Variants in UGP2 observed in about 807,000 individuals in gnomAD.
The protein encoded by UGP2 is UDP-glucose pyrophosphorylase 2.
Under a neutral mutation model 49.0 loss-of-function variants are expected in UGP2, and 40 were observed. The observed-to-expected ratio is 0.82, with a 90% CI of 0.63 to 1.06. UGP2 has a LOEUF of 1.06. UGP2 is among the 50% of genes least tolerant of loss of function. The pLI is 0.00. For missense variants in UGP2, 460 were observed against 603.5 expected (o/e 0.76, Z 2.49); for synonymous variants, 225 against 213.0 (o/e 1.06, Z -0.49).
At chr2:63,849,830 T>C (rs1668922896) in intron 1 of UGP2, among the ~76,000 whole-genome samples, 2 of 152,164 alleles carry the variant, frequency 1.3e-5, no homozygotes, top group African/African-American at 4.8e-5. Flanking sequence ...CCCTGTTTCT[T>C]TATCTCCAAA....
intron 3 of UGP2, among the ~76,000 whole-genome samples, chr2:63,875,217 G>T (rs149754240): frequency 1.3e-5 from 2 of 152,194 alleles, no homozygotes; most frequent in Non-Finnish European, 2.9e-5. Context: ...AACACTTTCT[G>T]TACATATGGA....
chr2:63,884,816 G>A (rs1671547455), intron 5 of UGP2, among the ~76,000 whole-genome samples: 1 of 151,860 alleles, frequency 6.6e-6, no homozygotes, highest in Non-Finnish European at 1.5e-5. Context: ...GGCTGAGGTG[G>A]GAGTATCACT....
intron 8 of UGP2, chr2:63,889,668 T>C (rs1427695672): frequency 6.4e-6 from 1 of 155,636 alleles, no homozygotes; most frequent in Non-Finnish European, 1.4e-5. Context: ...GCTGTTGCTC[T>C]TCCTAAAATG....
At chr2:63,842,449 C>G (rs927068934) in intron 1 of UGP2, 1 of 1,548,174 alleles carries the variant, frequency 6.5e-7, no homozygotes, top group African/African-American at 1.4e-5. Context: ...TTAGTAGTAC[C>G]GTCGCTTTCC....
chr2:63,868,015 T>TA (rs1480503092), intron 3 of UGP2, among the ~76,000 whole-genome samples: 1 of 152,228 alleles, frequency 6.6e-6, no homozygotes, highest in African/African-American at 2.4e-5. Context: ...TATTGAAGGA[T>TA]ATCTAGATTC....
rs889960902 is a variant in UGP2, at chr2:63,857,335, T to A, written c.148-494T>A. On this transcript the variant is annotated intron_variant, in intron 2 of 9. Coordinates refer to ENST00000337130, the MANE Select transcript of UGP2 (RefSeq NM_006759.4). ...AAAAAAAGTACAGAGCCAGTTGGAA[T>A]TCCCATTAAACAAATGGTGTTTGTT... 3.3e-5 allele frequency among the ~76,000 whole-genome samples: 5 copies of A among 151,742 alleles called. No individual in the cohort carries two copies. In the East Asian group the frequency reaches 7.7e-4, roughly 23 times the overall value.
chr2:63,879,628 T>A (rs1207475678), intron 3 of UGP2, among the ~76,000 whole-genome samples: 4 of 152,258 alleles, frequency 2.6e-5, no homozygotes, highest in African/African-American at 9.6e-5. Flanking sequence ...GTGGTAAAAC[T>A]ATAGAATGAA....
chr2:63,846,217 C>T (rs1333813520), intron 1 of UGP2: 1 of 152,088 alleles, frequency 6.6e-6, no homozygotes, highest in Non-Finnish European at 1.5e-5. Flanking sequence ...AAGGGGGCTC[C>T]CTGTCATAGT....
intron 3 of UGP2, among the ~76,000 whole-genome samples, chr2:63,862,482 A>T (rs1669917292): frequency 6.6e-6 from 1 of 152,170 alleles, no homozygotes; most frequent in African/African-American, 2.4e-5. Flanking sequence ...TGGGGACCTG[A>T]TAAAGGAACT....
intron 3 of UGP2, among the ~76,000 whole-genome samples, chr2:63,862,676 C>T (rs555073872): frequency 6.6e-6 from 1 of 152,166 alleles, no homozygotes; most frequent in African/African-American, 2.4e-5. Context: ...GAGGACAGTC[C>T]AGTCCCACAG....
At chr2:63,841,055 G>C (rs1008184781), upstream of UGP2, 1 of 152,796 alleles carries the variant, frequency 6.5e-6, no homozygotes, top group Admixed American at 6.5e-5. Flanking sequence ...CGGCTGACGG[G>C]TGGACAAGGG....
Position 63,856,442 on chromosome 2 carries a change from GT to G in UGP2, c.147+12del. On this transcript the variant is annotated intron_variant, in intron 2 of 9. Coordinates refer to ENST00000337130, the MANE Select transcript of UGP2 (RefSeq NM_006759.4). ...CATCACATGAATTTGAGGTAAGGAGGTTTCTACAGTGTTCCACCCCCCCGCC... is the reference window on the plus strand; with the variant it reads ...CATCACATGAATTTGAGGTAAGGAGGTTCTACAGTGTTCCACCCCCCCGCC... 6.2e-7 allele frequency: 1 copy of G among 1,607,844 alleles called. No homozygotes were observed. Among genetic ancestry groups the G allele is most frequent in the Non-Finnish European group, 8.5e-7 (1 of 1,179,322 alleles).
intron 3 of UGP2, among the ~76,000 whole-genome samples, chr2:63,876,142 C>T (rs1373048683): frequency 2.0e-5 from 3 of 152,062 alleles, no homozygotes; most frequent in Non-Finnish European, 4.4e-5. Flanking sequence ...ATCCCCTTGG[C>T]TTGTTGAACT....
In UGP2 at chr2:63,873,702, G is replaced by A. The variant is rs559753908; in HGVS notation, c.256-8764G>A. ...GAACCCAATGCTCCATGTTCCTGGA[G>A]CAGCGTGTTAGGGGGAGTAGAAGAA... is the stretch of plus-strand genomic sequence containing the variant. On this transcript the variant is annotated intron_variant, in intron 3 of 9. Transcript: ENST00000337130. Among the ~76,000 whole-genome samples the A allele has an allele frequency of 9.2e-5, 14 of 152,244 alleles. 1 individual carries two copies. The South Asian group carries it at 2.7e-3, about 29-fold the overall frequency.
intron 3 of UGP2, among the ~76,000 whole-genome samples, chr2:63,858,997 TTTTTTC>T (rs1281814967): frequency 6.7e-6 from 1 of 149,642 alleles, no homozygotes; most frequent in Non-Finnish European, 1.5e-5. Flanking sequence ...TCCTTTTTTC[TTTTTTC>T]TTTTTTTTTT....
Position 63,849,453 on chromosome 2 carries a change from G to T in UGP2, c.20-6853G>T, listed in dbSNP as rs62136363. On this transcript the variant is annotated intron_variant, in intron 1 of 9. Coordinates refer to ENST00000337130, the MANE Select transcript of UGP2 (RefSeq NM_006759.4). Reference sequence around the variant, plus strand: ...CAACATAGTTATATCCACTGTTTTGGGTTCATTTGTGCTAATGGTAAAATG... The same window carrying T: ...CAACATAGTTATATCCACTGTTTTGTGTTCATTTGTGCTAATGGTAAAATG... Among the ~76,000 whole-genome samples the T allele has an allele frequency of 8.2e-3, 1,242 of 152,252 alleles. 11 individuals are homozygous for T. The highest frequency in any genetic ancestry group is 0.028 in the South Asian group (135 of 4,818).
chr2:63,885,772 T>TG lies in UGP2; in HGVS notation c.759_760insG (p.Asn254GlufsTer12). 1.9e-6 allele frequency: 3 copies of TG among 1,613,984 alleles called. No homozygotes were observed. The highest frequency in any genetic ancestry group is 2.5e-6 in the Non-Finnish European group (3 of 1,179,962). ...AGTATATTTTTGTGTCTAACATAGA[T>TG]AATCTGGGTGCCACAGTGGATCTGT... is the stretch of plus-strand genomic sequence containing the variant. On this transcript the variant is annotated frameshift_variant, in exon 6 of 10. Coordinates refer to ENST00000337130, the MANE Select transcript of UGP2 (RefSeq NM_006759.4). LOFTEE classifies it high-confidence loss of function.
intron 3 of UGP2, among the ~76,000 whole-genome samples, chr2:63,866,898 G>A (rs1670220398): frequency 6.6e-6 from 1 of 152,138 alleles, no homozygotes; most frequent in Non-Finnish European, 1.5e-5. Context: ...ATTCCTCAGT[G>A]TGAAACCCCA....
At chr2:63,883,719 T>TC (rs1007866944) in intron 4 of UGP2, among the ~76,000 whole-genome samples, 1 of 152,148 alleles carries the variant, frequency 6.6e-6, no homozygotes, top group Non-Finnish European at 1.5e-5. Flanking sequence ...AGTTTAGACA[T>TC]CCGTAAAATG....
Sources: gnomAD v4.1 joint callset for allele counts (sites outside exome capture counted in the v4.1 genomes callset) on GRCh38, gnomAD v4.1.1 for gene constraint, MANE v1.5 for transcripts, NCBI Gene and HGNC (gene_info 2026-07-23, HGNC 2026-07-21) for gene names.